The following DMD variants were observed in gnomAD, a reference collection of about 807,000 sequenced individuals.
The protein encoded by DMD is dystrophin.
A neutral mutation model predicts 330.1 loss-of-function variants in DMD; 63 were observed. The ratio of observed to expected loss-of-function variants is 0.19; its 90% CI spans 0.16 to 0.24. The LOEUF (loss-of-function observed/expected upper bound fraction) is 0.24. DMD is among the 10% of genes least tolerant of loss of function. The pLI is 1.00. For synonymous variants in DMD, 1,223 were observed against 959.8 expected, an observed-to-expected ratio of 1.27 and a Z score of -5.07; for missense variants, 3,344 against 2,684.1, an observed-to-expected ratio of 1.25 and a Z score of -5.43.
At position 32,319,277 on chromosome X, in the gene DMD, T is replaced by A. The variant is rs749441287; in HGVS notation, c.5923-9001A>T. Among the ~76,000 whole-genome samples, 8 of 110,591 alleles carry A rather than the reference T, an allele frequency of 7.2e-5. No homozygotes were observed. The South Asian group carries it at 2.7e-3, about 38-fold the overall frequency. The stretch of plus-strand genomic sequence containing the variant: ...GCACCAACAATCATGGCCTGCTTTG[T>A]AAAACCATCTCCAAAAAATAACCTA... On this transcript the variant is annotated intron_variant, in intron 41 of 78. Coordinates refer to ENST00000357033, the MANE Select transcript of DMD (RefSeq NM_004006.3).
intron 2 of DMD, among the ~76,000 whole-genome samples, chrX:32,981,415 T>C (rs1467903577): frequency 9.0e-6 from 1 of 111,598 alleles, no homozygotes; most frequent in Non-Finnish European, 1.9e-5. Flanking sequence ...ATGCGGTTCA[T>C]AGCAATAGCC....
intron 44 of DMD, among the ~76,000 whole-genome samples, chrX:31,989,618 G>A (rs1426835392): frequency 1.8e-5 from 2 of 110,343 alleles, no homozygotes; most frequent in South Asian, 7.7e-4. Context: ...CAAGTTGAGT[G>A]GGGAAAAACA....
intron 55 of DMD, among the ~76,000 whole-genome samples, chrX:31,569,659 C>CGTATATATACGTATATAT (rs2075698596): frequency 2.2e-5 from 2 of 90,087 alleles, no homozygotes; most frequent in East Asian, 7.3e-4. Context: ...CGTATATATA[C>CGTATATATACGTATATAT]GTATATATAC....
At chrX:33,005,620 A>T (rs1228916787) in intron 2 of DMD, among the ~76,000 whole-genome samples, 1 of 81,941 alleles carries the variant, frequency 1.2e-5, no homozygotes, top group Non-Finnish European at 2.7e-5. Context: ...TCATGACAAT[A>T]TAAAAAAATG....
At chrX:31,484,311 T>C (rs955604716) in intron 57 of DMD, among the ~76,000 whole-genome samples, 2 of 112,086 alleles carry the variant, frequency 1.8e-5, no homozygotes, top group African/African-American at 3.2e-5. Context: ...TATGTGATGA[T>C]AGAAAAGGTA....
chrX:32,456,620 G>A (rs12388964), intron 25 of DMD, among the ~76,000 whole-genome samples: 183 of 91,811 alleles, frequency 2.0e-3, no homozygotes, highest in Middle Eastern at 5.3e-3. Context: ...GTGTGTGTAT[G>A]TGTGTGTGTG....
intron 9 of DMD, among the ~76,000 whole-genome samples, chrX:32,675,412 C>T (rs190594797): frequency 2.3e-3 from 255 of 111,603 alleles, no homozygotes; most frequent in Admixed American, 5.3e-3. Flanking sequence ...ATTATTCTTC[C>T]TCATTACCAG....
chrX:31,403,017 T>A (rs5927749), intron 60 of DMD, among the ~76,000 whole-genome samples: 2,706 of 110,251 alleles, frequency 0.025, 69 homozygotes, highest in African/African-American at 0.082. Context: ...CTCTCATGCC[T>A]CCTAGTACAA....
chrX:32,462,120 T>A (rs1355716914), intron 25 of DMD, among the ~76,000 whole-genome samples: 1 of 111,676 alleles, frequency 9.0e-6, no homozygotes, highest in Non-Finnish European at 1.9e-5. Context: ...AGTTCCCTTG[T>A]ATCTTTGGAA....
chrX:31,611,923 G>A (rs986944626), intron 55 of DMD, among the ~76,000 whole-genome samples: 1 of 111,173 alleles, frequency 9.0e-6, no homozygotes, highest in Admixed American at 9.6e-5. Context: ...GGGTACATGA[G>A]ATATTTTGAT....
intron 1 of DMD, among the ~76,000 whole-genome samples, chrX:33,259,718 C>A (rs1158467817): frequency 9.3e-6 from 1 of 107,188 alleles, no homozygotes; most frequent in African/African-American, 3.4e-5. Flanking sequence ...CACCTCCTGC[C>A]GCAACCCCTG....
At chrX:32,872,158 C>T (rs1046673767) in intron 2 of DMD, among the ~76,000 whole-genome samples, 1 of 111,308 alleles carries the variant, frequency 9.0e-6, no homozygotes, top group Non-Finnish European at 1.9e-5. Context: ...TTGTCATCCC[C>T]GATTTCTGGA....
intron 18 of DMD, among the ~76,000 whole-genome samples, chrX:32,506,964 A>G (rs1027486381): frequency 1.8e-5 from 2 of 111,878 alleles, no homozygotes; most frequent in Non-Finnish European, 3.8e-5. Flanking sequence ...TTCTCAACTT[A>G]TTAGTTTTTG....
Position 32,464,676 on chromosome X carries a change from T to C in DMD, c.3186A>G (p.Lys1062=). ...GAAAAACATCAACTTCAGCCATCCA[T>C]TTCTTCAGGGTTTGTATGTGATTCT... The part of the protein sequence containing the change: ...KIQNHIQTLK[K]WMAEVDVFLK... The change falls in exon 24 of 79, where the codon AAA becomes AAG. Residue 1062 remains lysine (K), a synonymous_variant. Coordinates refer to ENST00000357033, the MANE Select transcript of DMD (RefSeq NM_004006.3). The C allele has an allele frequency of 8.3e-7, 1 of 1,206,453 alleles. No individual in the cohort carries two copies. The highest frequency in any genetic ancestry group is 3.0e-5 in the East Asian group (1 of 33,771).
At chrX:32,402,211 C>T (rs2098089753) in intron 30 of DMD, among the ~76,000 whole-genome samples, 1 of 111,681 alleles carries the variant, frequency 9.0e-6, no homozygotes, top group South Asian at 3.7e-4. Context: ...ACATTCATCA[C>T]ATTTCACCCT....
At chrX:31,809,956 A>G (rs2092409706) in intron 50 of DMD, among the ~76,000 whole-genome samples, 1 of 111,272 alleles carries the variant, frequency 9.0e-6, no homozygotes, top group South Asian at 3.8e-4. Context: ...TTCTGCCACT[A>G]AACAGCTGGT....
At chrX:32,376,035 T>G (rs2097901556) in intron 34 of DMD, among the ~76,000 whole-genome samples, 1 of 111,475 alleles carries the variant, frequency 9.0e-6, no homozygotes, top group Non-Finnish European at 1.9e-5. Flanking sequence ...ATCCCAGCAC[T>G]TTGGGAGGCC....
chrX:31,507,316 C>T lies in DMD; in HGVS notation c.8355G>A (p.Lys2785=), dbSNP rs772646759. The T allele has an allele frequency of 2.5e-6, 3 of 1,211,795 alleles. No homozygotes were observed. The highest frequency in any genetic ancestry group is 2.2e-5 in the Admixed American group (1 of 46,038). ...LQRRLDNMNF[K]WSELRKKSLN... ...GAGACTTTTTCCGAAGTTCACTCCACTTGAAGTTCATGTTATCCAAACGTC... is the reference window on the plus strand; with the variant it reads ...GAGACTTTTTCCGAAGTTCACTCCATTTGAAGTTCATGTTATCCAAACGTC... Residue 2785 remains lysine, a synonymous_variant, in exon 56 of 79, where the codon AAG becomes AAA. Coordinates refer to ENST00000357033, the MANE Select transcript of DMD (RefSeq NM_004006.3).
intron 2 of DMD, among the ~76,000 whole-genome samples, chrX:32,864,491 T>TAAA (rs2082330863): frequency 6.2e-5 from 7 of 112,341 alleles, no homozygotes; most frequent in Admixed American, 3.8e-4. Context: ...TTTTCTTTCT[T>TAAA]CTATCATTTC....
Sources: allele counts gnomAD v4.1 joint callset (sites outside exome capture counted in the v4.1 genomes callset), GRCh38; gene constraint gnomAD v4.1.1; transcripts MANE v1.5; gene names NCBI Gene and HGNC (gene_info 2026-07-23, HGNC 2026-07-21).